WWOX: variants seen among roughly 807,000 people sequenced by gnomAD.
WWOX encodes WW domain containing oxidoreductase.
WWOX carries 69 observed loss-of-function variants against 46.2 expected under a neutral mutation model. The observed-to-expected ratio is 1.49, with a 90% confidence interval of 1.23 to 1.82. The LOEUF is 1.82. WWOX is among the 40% of genes most tolerant of loss of function. WWOX has a pLI of 0.00. For missense variants in WWOX, 919 were observed against 542.6 expected, an observed-to-expected ratio of 1.69 and a Z score of -6.89; for synonymous variants, 359 against 202.6, an observed-to-expected ratio of 1.77 and a Z score of -6.56.
intron 8 of WWOX, among the ~76,000 whole-genome samples, chr16:78,871,795 G>A (rs1458225653): frequency 6.6e-6 from 1 of 152,160 alleles, no homozygotes; most frequent in Non-Finnish European, 1.5e-5. Context: ...GTAGAGAGGG[G>A]TTTCACCATA....
intron 4 of WWOX, chr16:78,123,894 A>G (rs1327615150): frequency 6.6e-6 from 1 of 152,170 alleles, no homozygotes; most frequent in Non-Finnish European, 1.5e-5. Context: ...TTTTGGGCTC[A>G]GTACAGTATA....
At position 78,387,022 on chromosome 16, in the gene WWOX, G is replaced by A. The variant is rs141553908; in HGVS notation, c.605+74G>A. On this transcript the variant is annotated intron_variant, in intron 6 of 8. Transcript: ENST00000566780. Reference sequence around the variant, plus strand: ...ATATCTTTATCAGATGAACACAATTGGGAGAATGCAAGGCTGTTGTGTTGT... The same window carrying A: ...ATATCTTTATCAGATGAACACAATTAGGAGAATGCAAGGCTGTTGTGTTGT... 5.9e-5 allele frequency: 86 copies of A among 1,446,680 alleles called. No individual in the cohort carries two copies. In the African/African-American group the frequency reaches 1.1e-3, roughly 18 times the overall value. 89.6% of individuals were successfully genotyped at this position (1,446,680 alleles called of 1,614,324 possible).
chr16:78,150,748 A>G (rs1035782843), intron 4 of WWOX, among the ~76,000 whole-genome samples: 3 of 152,202 alleles, frequency 2.0e-5, no homozygotes, highest in African/African-American at 7.2e-5. Flanking sequence ...GCCATTGGTG[A>G]TTAAGTCAAT....
intron 8 of WWOX, among the ~76,000 whole-genome samples, chr16:79,177,604 G>A (rs957580535): frequency 6.6e-6 from 1 of 152,104 alleles, no homozygotes; most frequent in Non-Finnish European, 1.5e-5. Flanking sequence ...GGGGAAAAAA[G>A]TGGGAGCATC....
At chr16:78,556,723 T>G (rs774169117) in intron 8 of WWOX, among the ~76,000 whole-genome samples, 3 of 152,114 alleles carry the variant, frequency 2.0e-5, no homozygotes, top group Non-Finnish European at 4.4e-5. Flanking sequence ...TTTATTTTAT[T>G]TTTATTTTTC....
chr16:79,100,830 C>T (rs532172428), intron 8 of WWOX, among the ~76,000 whole-genome samples: 3 of 152,118 alleles, frequency 2.0e-5, no homozygotes, highest in South Asian at 2.1e-4. Flanking sequence ...GTGGAGCACA[C>T]GAGATCCTTT....
At chr16:79,194,513 G>C (rs868465907) in intron 8 of WWOX, among the ~76,000 whole-genome samples, 1 of 152,134 alleles carries the variant, frequency 6.6e-6, no homozygotes. Context: ...GGACACAAGT[G>C]GTTTAACAAG....
chr16:78,606,368 G>C (rs1310452658), intron 8 of WWOX, among the ~76,000 whole-genome samples: 4 of 151,954 alleles, frequency 2.6e-5, no homozygotes, highest in Non-Finnish European at 5.9e-5. Flanking sequence ...GAAGTACAAA[G>C]GAAACGGTTA....
intron 8 of WWOX, among the ~76,000 whole-genome samples, chr16:79,014,525 A>G (rs2047374408): frequency 6.6e-6 from 1 of 152,126 alleles, no homozygotes; most frequent in Non-Finnish European, 1.5e-5. Flanking sequence ...TCCTTCTAAG[A>G]TTTTTCAATT....
At chr16:78,380,646 C>T (rs1192875921) in intron 5 of WWOX, among the ~76,000 whole-genome samples, 1 of 152,106 alleles carries the variant, frequency 6.6e-6, no homozygotes, top group Non-Finnish European at 1.5e-5. Flanking sequence ...ATATAAGGAT[C>T]TAGAGTTATG....
At chr16:79,147,844 A>G (rs1036840033) in intron 8 of WWOX, among the ~76,000 whole-genome samples, 7 of 152,210 alleles carry the variant, frequency 4.6e-5, no homozygotes, top group Admixed American at 3.3e-4. Context: ...AATTTTAAAC[A>G]TATTTTCATT....
intron 8 of WWOX, among the ~76,000 whole-genome samples, chr16:78,556,614 C>G (rs762973276): frequency 6.6e-6 from 1 of 152,168 alleles, no homozygotes; most frequent in African/African-American, 2.4e-5. Flanking sequence ...CGACTGCTGT[C>G]TGTGTTTAGG....
intron 8 of WWOX, among the ~76,000 whole-genome samples, chr16:78,711,327 C>T (rs891185606): frequency 6.6e-6 from 1 of 152,206 alleles, no homozygotes; most frequent in Non-Finnish European, 1.5e-5. Context: ...GTTTGTTTAG[C>T]AACAGCCTGG....
At chr16:79,070,268 ATGTGTGTG>A (rs4035490) in intron 8 of WWOX, among the ~76,000 whole-genome samples, 4,296 of 145,180 alleles carry the variant, frequency 0.03, 209 homozygotes, top group African/African-American at 0.1. Context: ...TGTGTTTCTG[ATGTGTGTG>A]TGTGTGTGTG....
At chr16:79,185,499 C>A (rs897157590) in intron 8 of WWOX, among the ~76,000 whole-genome samples, 1 of 134 alleles carries the variant, frequency 7.5e-3, no homozygotes, top group African/African-American at 0.024. Context: ...GATGTGACAC[C>A]TCCTGCCCCC....
chr16:78,424,591 G>T (rs1160182176), intron 6 of WWOX, among the ~76,000 whole-genome samples: 1 of 152,160 alleles, frequency 6.6e-6, no homozygotes, highest in African/African-American at 2.4e-5. Context: ...GCCTGCTGCT[G>T]TCCTGGTTTT....
intron 8 of WWOX, among the ~76,000 whole-genome samples, chr16:78,516,852 A>G (rs1036056990): frequency 6.6e-6 from 1 of 152,210 alleles, no homozygotes; most frequent in African/African-American, 2.4e-5. Flanking sequence ...GCTGAAGCCA[A>G]ACTGTGTGAT....
chr16:79,116,914 G>C (rs375964602), intron 8 of WWOX, among the ~76,000 whole-genome samples: 63 of 152,192 alleles, frequency 4.1e-4, no homozygotes, highest in Middle Eastern at 3.4e-3. Context: ...ATACTTGATA[G>C]TTGAAATTAC....
chr16:79,001,523 A>C (rs1250467793), intron 8 of WWOX, among the ~76,000 whole-genome samples: 1 of 152,188 alleles, frequency 6.6e-6, no homozygotes, highest in Non-Finnish European at 1.5e-5. Context: ...AATTAAGTCG[A>C]AGTACATTTT....
Sources: allele counts gnomAD v4.1 joint callset (sites outside exome capture counted in the v4.1 genomes callset), GRCh38; gene constraint gnomAD v4.1.1; transcripts MANE v1.5; gene names NCBI Gene and HGNC (gene_info 2026-07-23, HGNC 2026-07-21).